The following PCDHA10 variants were observed in gnomAD, a reference collection of about 807,000 sequenced individuals.
PCDHA10 encodes the protein protocadherin alpha 10.
A neutral mutation model predicts 61.2 loss-of-function variants in PCDHA10; 45 were observed. That is an observed-to-expected ratio of 0.74 (90% CI 0.58 to 0.94). The LOEUF is 0.94. Ranked by LOEUF, PCDHA10 falls within the 40% of genes least tolerant of loss-of-function variation. PCDHA10 has a pLI of 0.00. For synonymous variants in PCDHA10, 602 were observed against 548.8 expected, an observed-to-expected ratio of 1.10 and a Z score of -1.35; for missense variants, 1,278 against 1,236.2, an observed-to-expected ratio of 1.03 and a Z score of -0.51.
intron 1 of PCDHA10, chr5:140,927,658 C>T (rs782350503): frequency 5.0e-6 from 8 of 1,614,094 alleles, no homozygotes; most frequent in Non-Finnish European, 6.8e-6. Context: ...ATTCCGAGTT[C>T]AAGCCTTGGA....
intron 1 of PCDHA10, among the ~76,000 whole-genome samples, chr5:140,872,690 T>C (rs1485284839): frequency 6.6e-6 from 1 of 152,210 alleles, no homozygotes; most frequent in Non-Finnish European, 1.5e-5. Context: ...ATGGCATGAT[T>C]TATGATTCCA....
chr5:140,931,409 A>G (rs1172534741), intron 1 of PCDHA10, among the ~76,000 whole-genome samples: 1 of 152,082 alleles, frequency 6.6e-6, no homozygotes, highest in African/African-American at 2.4e-5. Flanking sequence ...AGGAAGGCTG[A>G]TGAATCTAGA....
intron 1 of PCDHA10, chr5:140,882,953 C>T: frequency 3.7e-6 from 6 of 1,614,184 alleles, no homozygotes; most frequent in East Asian, 2.2e-5. Flanking sequence ...AGTTCAGCTG[C>T]TCATCACGAT....
chr5:140,968,694 G>A, intron 1 of PCDHA10: 1 of 1,614,092 alleles, frequency 6.2e-7, no homozygotes, highest in Non-Finnish European at 8.5e-7. Flanking sequence ...GGAGAAATTA[G>A]GACTACCAGG....
chr5:140,943,357 A>G (rs974685573), intron 1 of PCDHA10, among the ~76,000 whole-genome samples: 3 of 152,026 alleles, frequency 2.0e-5, no homozygotes, highest in Non-Finnish European at 4.4e-5. Flanking sequence ...AGTAGAGGAA[A>G]GGAGATCATT....
intron 1 of PCDHA10, among the ~76,000 whole-genome samples, chr5:140,918,655 T>C (rs1248144760): frequency 6.6e-6 from 1 of 152,218 alleles, no homozygotes; most frequent in Non-Finnish European, 1.5e-5. Context: ...CTAATTCTCA[T>C]GTTGATGGTA....
intron 3 of PCDHA10, among the ~76,000 whole-genome samples, chr5:140,995,850 C>T (rs924455609): frequency 3.9e-5 from 6 of 152,080 alleles, no homozygotes; most frequent in African/African-American, 1.4e-4. Context: ...ACATTTCTAT[C>T]GTATCACTTA....
chr5:140,911,915 G>A (rs553932242), intron 1 of PCDHA10, among the ~76,000 whole-genome samples: 3 of 152,226 alleles, frequency 2.0e-5, no homozygotes, highest in African/African-American at 7.2e-5. Flanking sequence ...CTCTCTAGAG[G>A]ACAGAACTAA....
chr5:141,009,686 A>G lies in PCDHA10; in HGVS notation c.2596A>G (p.Thr866Ala). Residue 866 changes from threonine to alanine, a missense_variant, in exon 4 of 4, where the codon ACC becomes GCC. Thr to Ala is a moderately conservative substitution (Grantham distance 58). Coordinates refer to ENST00000307360, the MANE Select transcript of PCDHA10 (RefSeq NM_018901.4). ...VGAGVNSNSW[T>A]FKYGPGNPKQ... ...TGCGGGTGTCAACAGCAACAGCTGG[A>G]CCTTTAAATACGGACCAGGCAACCC... is the stretch of plus-strand genomic sequence containing the variant. The G allele has an allele frequency of 6.2e-7, 1 of 1,613,998 alleles. No homozygotes were observed. The highest frequency in any genetic ancestry group is 8.5e-7 in the Non-Finnish European group (1 of 1,179,996).
intron 1 of PCDHA10, among the ~76,000 whole-genome samples, chr5:140,914,270 ATATATT>A (rs1554196274): frequency 6.6e-6 from 1 of 152,146 alleles, no homozygotes; most frequent in Non-Finnish European, 1.5e-5. Context: ...GTGGGTGCAT[ATATATT>A]TATAATTGTT....
At chr5:140,967,942 A>G in intron 1 of PCDHA10, 1 of 1,614,226 alleles carries the variant, frequency 6.2e-7, no homozygotes, top group Non-Finnish European at 8.5e-7. Context: ...TCAATGACCA[A>G]GACTCAGGCC....
At chr5:140,889,121 G>A (rs2062113098) in intron 1 of PCDHA10, among the ~76,000 whole-genome samples, 1 of 151,724 alleles carries the variant, frequency 6.6e-6, no homozygotes, top group East Asian at 1.9e-4. Flanking sequence ...AGGTGATACT[G>A]ATATGTCCTA....
chr5:140,936,037 C>A (rs2090734622), intron 1 of PCDHA10, among the ~76,000 whole-genome samples: 2 of 151,862 alleles, frequency 1.3e-5, no homozygotes, highest in Non-Finnish European at 1.5e-5. Flanking sequence ...GGATTACAGG[C>A]ACCCACCACC....
At chr5:140,897,772 C>T (rs1393087365) in intron 1 of PCDHA10, among the ~76,000 whole-genome samples, 2 of 152,192 alleles carry the variant, frequency 1.3e-5, no homozygotes, top group Non-Finnish European at 2.9e-5. Context: ...ACACTGACTT[C>T]CACAATGGTT....
intron 1 of PCDHA10, among the ~76,000 whole-genome samples, chr5:140,971,388 C>A (rs1554233283): frequency 6.6e-6 from 1 of 152,132 alleles, no homozygotes; most frequent in Non-Finnish European, 1.5e-5. Flanking sequence ...TTAATAAAGG[C>A]AAATTTCTGC....
At chr5:140,925,671 A>AATAATAATG (rs1445697337) in intron 1 of PCDHA10, among the ~76,000 whole-genome samples, 20 of 148,150 alleles carry the variant, frequency 1.3e-4, no homozygotes, top group African/African-American at 5.0e-4. Context: ...TAATAATAAT[A>AATAATAATG]ATAATAAAGC....
chr5:141,010,353 G>T lies in PCDHA10; in HGVS notation c.*416G>T. On this transcript the variant is annotated 3_prime_UTR_variant, in exon 4 of 4. Transcript: ENST00000307360. Reference sequence around the variant, plus strand: ...AGTTTGTGGCCACTGGGTATGTGTGGCTACCGCGGGTATGCGAGTGCCAGA... The same window carrying T: ...AGTTTGTGGCCACTGGGTATGTGTGTCTACCGCGGGTATGCGAGTGCCAGA... The T allele has an allele frequency of 6.6e-7, 1 of 1,507,486 alleles. No homozygotes were observed. Among genetic ancestry groups the T allele is most frequent in the Non-Finnish European group, 8.9e-7 (1 of 1,128,244 alleles). 93.4% of individuals were successfully genotyped at this position (1,507,486 alleles called of 1,614,324 possible).
chr5:140,976,395 T>G (rs973484895), intron 1 of PCDHA10, among the ~76,000 whole-genome samples: 1 of 151,734 alleles, frequency 6.6e-6, no homozygotes, highest in Middle Eastern at 3.4e-3. Flanking sequence ...TACTAAAAAT[T>G]CAAAAATTAG....
rs374659815 is a variant in PCDHA10 at position 140,871,353 on chromosome 5, G to A, written c.2388+12917G>A. 3.6e-5 allele frequency: 58 copies of A among 1,614,214 alleles called. No homozygotes were observed. The African/African-American group carries it at 5.1e-4, about 14-fold the overall frequency. ...GCGCGGTGGGGAGCTGGTCATACTC[G>A]CAGCAGAGGCGGCAGAGGGTGTGCT... On this transcript the variant is annotated intron_variant, in intron 1 of 3. Coordinates refer to ENST00000307360, the MANE Select transcript of PCDHA10 (RefSeq NM_018901.4).
Sources: allele counts gnomAD v4.1 joint callset (sites outside exome capture counted in the v4.1 genomes callset), GRCh38; gene constraint gnomAD v4.1.1; transcripts MANE v1.5; gene names NCBI Gene and HGNC (gene_info 2026-07-23, HGNC 2026-07-21).